ITFG1: variants seen among roughly 807,000 people sequenced by gnomAD.
ITFG1 encodes T-cell immunomodulatory protein.
A neutral mutation model predicts 81.8 loss-of-function variants in ITFG1; 34 were observed. The observed-to-expected ratio is 0.42, with a 90% CI of 0.32 to 0.55. The LOEUF is 0.55. ITFG1 is among the 20% of genes least tolerant of loss of function. ITFG1 has a pLI of 0.17. For missense variants in ITFG1, 672 were observed against 755.4 expected (o/e 0.89, Z 1.29); for synonymous variants, 285 against 270.6 (o/e 1.05, Z -0.52).
chr16:47,247,133 C>T (rs532233172), intron 12 of ITFG1, among the ~76,000 whole-genome samples: 1 of 152,290 alleles, frequency 6.6e-6, no homozygotes, highest in Admixed American at 6.5e-5. Flanking sequence ...TACTTACTAT[C>T]TTCTTCCCCT....
intron 10 of ITFG1, among the ~76,000 whole-genome samples, chr16:47,283,272 AG>A (rs1377040477): frequency 6.6e-6 from 1 of 152,160 alleles, no homozygotes; most frequent in East Asian, 1.9e-4. Flanking sequence ...GGTGAGAGAC[AG>A]GGGTCCAGTT....
chr16:47,239,069 C>G (rs758949977), intron 12 of ITFG1, among the ~76,000 whole-genome samples: 4 of 152,110 alleles, frequency 2.6e-5, no homozygotes, highest in Non-Finnish European at 5.9e-5. Context: ...GAGGACGTGG[C>G]AACAAGGTGC....
At position 47,360,299 on chromosome 16, in the gene ITFG1, C is replaced by T. The variant is rs1242577358; in HGVS notation, c.802+5489G>A. Reference sequence around the variant, plus strand: ...TATTTACTTGATAATTTCTGACTGGCAATGACAGTGATATGGTACAGTAGT... The same window carrying T: ...TATTTACTTGATAATTTCTGACTGGTAATGACAGTGATATGGTACAGTAGT... On this transcript the variant is annotated intron_variant, in intron 8 of 17. Coordinates refer to ENST00000320640, the MANE Select transcript of ITFG1 (RefSeq NM_030790.5). Among the ~76,000 whole-genome samples the T allele has an allele frequency of 3.3e-5, 5 of 152,096 alleles. No homozygotes were observed. The East Asian group carries it at 9.6e-4, about 29-fold the overall frequency.
intron 8 of ITFG1, among the ~76,000 whole-genome samples, chr16:47,363,145 C>T (rs1039106711): frequency 1.6e-4 from 24 of 152,016 alleles, no homozygotes; most frequent in African/African-American, 4.8e-4. Flanking sequence ...GTGATCCTCC[C>T]GCCTCAGCCT....
At chr16:47,236,108 T>G (rs1196937876) in intron 13 of ITFG1, among the ~76,000 whole-genome samples, 1 of 152,124 alleles carries the variant, frequency 6.6e-6, no homozygotes, top group African/African-American at 2.4e-5. Context: ...TTCCAAATGA[T>G]TCTGTTCACT....
At chr16:47,422,965 T>C (rs1596973785) in intron 6 of ITFG1, among the ~76,000 whole-genome samples, 1 of 152,194 alleles carries the variant, frequency 6.6e-6, no homozygotes, top group South Asian at 2.1e-4. Context: ...CTGAGTTCAG[T>C]TCCTGGATAT....
rs28800563 is a variant in ITFG1 at position 47,338,240 on chromosome 16, T to C, written c.803-24417A>G. 6.8e-3 allele frequency among the ~76,000 whole-genome samples: 1,032 copies of C among 152,156 alleles called. 11 individuals carry two copies. The highest frequency in any genetic ancestry group is 0.024 in the African/African-American group (981 of 41,518). ...GCCTGGCCAACATGGTGAAACCCTG[T>C]CTCTAGTAAACATAAAAAACATTGG... On this transcript the variant is annotated intron_variant, in intron 8 of 17. Coordinates refer to ENST00000320640, the MANE Select transcript of ITFG1 (RefSeq NM_030790.5).
chr16:47,162,462 C>A lies in ITFG1; in HGVS notation c.1578+78G>T. On this transcript the variant is annotated intron_variant, in intron 15 of 17. Transcript: ENST00000320640. ...ATTTGAATTCAAATTCAATTAGGTT[C>A]AAATTATTTAATTTAAATACTTAAA... 5 of 1,201,866 alleles carry A rather than the reference C, an allele frequency of 4.2e-6. No homozygotes were observed. In the South Asian group the frequency reaches 8.6e-5, roughly 21 times the overall value. 74.5% of individuals were successfully genotyped at this position (1,201,866 alleles called of 1,614,324 possible). A position where few individuals can be genotyped will look rare whatever the true frequency, so the allele number is the denominator to read the frequency against.
chr16:47,312,890 A>G (rs369023706), intron 9 of ITFG1: 79 of 152,354 alleles, frequency 5.2e-4, no homozygotes, highest in African/African-American at 1.7e-3. Flanking sequence ...TCGATAGGCA[A>G]TAATTACTAG....
In ITFG1 at chr16:47,429,270, G is replaced by A. The variant is rs1288302982; in HGVS notation, c.561-372C>T. 3.2e-4 allele frequency among the ~76,000 whole-genome samples: 48 copies of A among 152,164 alleles called. 1 individual carries two copies. Among genetic ancestry groups the A allele is most frequent in the Admixed American group, 3.1e-3 (48 of 15,282 alleles). On this transcript the variant is annotated intron_variant, in intron 5 of 17. Coordinates refer to ENST00000320640, the MANE Select transcript of ITFG1 (RefSeq NM_030790.5). ...GAATAATGTTTTCAAGTTCATCCAT[G>A]TTGAAACATGTATCAGTGCCTCAGT...
chr16:47,386,418 T>A (rs1467008273), intron 6 of ITFG1, among the ~76,000 whole-genome samples: 1 of 152,108 alleles, frequency 6.6e-6, no homozygotes, highest in African/African-American at 2.4e-5. Flanking sequence ...AGGACTGTGG[T>A]AACTTCTTGC....
chr16:47,375,969 G>C (rs774594418), intron 6 of ITFG1, 29 bp from the exon 7 acceptor site: 2 of 1,426,716 alleles, frequency 1.4e-6, no homozygotes, highest in South Asian at 2.4e-5. Context: ...AAAACGTAAA[G>C]TTTTGTAGTC....
intron 10 of ITFG1, among the ~76,000 whole-genome samples, chr16:47,305,903 A>G (rs2151561861): frequency 6.6e-6 from 1 of 152,350 alleles, no homozygotes; most frequent in South Asian, 2.1e-4. Context: ...CTGAAGAAAG[A>G]ACAAAAGATA....
chr16:47,346,392 A>G (rs1283560540), intron 8 of ITFG1, among the ~76,000 whole-genome samples: 1 of 152,212 alleles, frequency 6.6e-6, no homozygotes, highest in Non-Finnish European at 1.5e-5. Flanking sequence ...GAAATACAAC[A>G]TATCAAAACA....
chr16:47,425,500 A>G (rs1473115117), intron 6 of ITFG1, among the ~76,000 whole-genome samples: 4 of 152,078 alleles, frequency 2.6e-5, no homozygotes, highest in Non-Finnish European at 5.9e-5. Flanking sequence ...CTCAGTTGGA[A>G]ATGCACAAAT....
intron 7 of ITFG1, among the ~76,000 whole-genome samples, chr16:47,368,664 G>C (rs1968210873): frequency 6.7e-6 from 1 of 148,166 alleles, no homozygotes; most frequent in Non-Finnish European, 1.5e-5. Context: ...AAATATATCA[G>C]CCTTCTATGA....
At chr16:47,326,697 C>A (rs1429197715) in intron 8 of ITFG1, among the ~76,000 whole-genome samples, 3 of 152,078 alleles carry the variant, frequency 2.0e-5, no homozygotes, top group Non-Finnish European at 2.9e-5. Flanking sequence ...AACAGAGAGT[C>A]AAATCATGAG....
intron 5 of ITFG1, chr16:47,450,032 C>CA: frequency 6.6e-6 from 1 of 152,404 alleles, no homozygotes; most frequent in East Asian, 1.9e-4. Flanking sequence ...ATCACATCCT[C>CA]AATCACATGC....
intron 5 of ITFG1, chr16:47,448,591 C>G (rs1389525751): frequency 6.7e-6 from 1 of 148,334 alleles, no homozygotes; most frequent in Non-Finnish European, 1.5e-5. Flanking sequence ...GAACTCAGTA[C>G]GTGAGTCAGA....
Sources: allele counts gnomAD v4.1 joint callset (sites outside exome capture counted in the v4.1 genomes callset), GRCh38; gene constraint gnomAD v4.1.1; transcripts MANE v1.5; gene names NCBI Gene and HGNC (gene_info 2026-07-23, HGNC 2026-07-21).